GABBR2: variants seen among roughly 807,000 people sequenced by gnomAD.
The protein encoded by GABBR2 is G-protein coupled receptor 51.
In GABBR2, 23 loss-of-function variants were observed where a neutral mutation model predicts 105.6. That is an observed-to-expected ratio of 0.22 (90% CI 0.16 to 0.31). The LOEUF (loss-of-function observed/expected upper bound fraction) is 0.31, where lower values mean the gene tolerates loss of function less well. GABBR2 is among the 10% of genes least tolerant of loss of function. GABBR2 has a pLI of 1.00. For missense variants in GABBR2, 734 were observed against 1,245.5 expected (o/e 0.59, Z 6.18); for synonymous variants, 478 against 499.7 (o/e 0.96, Z 0.58).
At chr9:98,363,427 A>G (rs776270259) in intron 12 of GABBR2, among the ~76,000 whole-genome samples, 4 of 152,208 alleles carry the variant, frequency 2.6e-5, no homozygotes, top group Non-Finnish European at 5.9e-5. Context: ...TTCTTATTTT[A>G]TGGATGAGCA....
chr9:98,492,775 GGAA>G (rs1256097164), intron 4 of GABBR2, among the ~76,000 whole-genome samples: 3 of 152,142 alleles, frequency 2.0e-5, no homozygotes, highest in Non-Finnish European at 2.9e-5. Context: ...TGGGATTTGG[GGAA>G]GAAGACCACA....
chr9:98,657,473 G>T (rs1405423556), intron 1 of GABBR2, among the ~76,000 whole-genome samples: 1 of 152,124 alleles, frequency 6.6e-6, no homozygotes, highest in Admixed American at 6.5e-5. Flanking sequence ...TATCTGGCCA[G>T]CCCCTGTGGA....
chr9:98,527,957 G>A lies in GABBR2; in HGVS notation c.630+13916C>T, dbSNP rs368140151. Among the ~76,000 whole-genome samples, 29 of 152,256 alleles carry A rather than the reference G, an allele frequency of 1.9e-4. 2 individuals carry two copies. The South Asian group carries it at 5.2e-3, about 27-fold the overall frequency. ...CTCAGCAACAGTCAAAAGCTGCACC[G>A]TCCAAGACAGTAGCCATCAGCCACA... On this transcript the variant is annotated intron_variant, in intron 3 of 18. Coordinates refer to ENST00000259455, the MANE Select transcript of GABBR2 (RefSeq NM_005458.8).
intron 7 of GABBR2, among the ~76,000 whole-genome samples, chr9:98,429,174 C>T (rs1646273360): frequency 6.9e-6 from 1 of 144,368 alleles, no homozygotes; most frequent in African/African-American, 2.6e-5. Context: ...AAGTGTTGCT[C>T]CGCTGCCCAG....
intron 1 of GABBR2, among the ~76,000 whole-genome samples, chr9:98,609,841 C>A (rs751940351): frequency 6.6e-6 from 1 of 152,198 alleles, no homozygotes; most frequent in South Asian, 2.1e-4. Flanking sequence ...AGCTCCAAAC[C>A]CAGGCTCAGG....
intron 2 of GABBR2, among the ~76,000 whole-genome samples, chr9:98,544,471 G>A (rs964588809): frequency 5.9e-5 from 9 of 152,162 alleles, no homozygotes; most frequent in East Asian, 1.9e-4. Context: ...CCCCAAGACC[G>A]GTAAAGGTCA....
intron 6 of GABBR2, among the ~76,000 whole-genome samples, chr9:98,472,694 A>C (rs975171061): frequency 1.3e-5 from 2 of 152,202 alleles, no homozygotes; most frequent in African/African-American, 2.4e-5. Context: ...CACAGGTGGT[A>C]GTGGTAAAAT....
chr9:98,696,378 C>A (rs541892223), intron 1 of GABBR2, among the ~76,000 whole-genome samples: 2 of 152,318 alleles, frequency 1.3e-5, no homozygotes, highest in East Asian at 3.9e-4. Flanking sequence ...CTCCAGAGGG[C>A]TTGCAAAGCT....
At chr9:98,435,830 C>T (rs1007862318) in intron 7 of GABBR2, among the ~76,000 whole-genome samples, 4 of 152,268 alleles carry the variant, frequency 2.6e-5, no homozygotes, top group East Asian at 1.9e-4. Flanking sequence ...TTTACTGATC[C>T]CCAGTCTGTC....
intron 13 of GABBR2, among the ~76,000 whole-genome samples, chr9:98,353,846 T>C (rs1831443164): frequency 6.6e-6 from 1 of 152,140 alleles, no homozygotes; most frequent in South Asian, 2.1e-4. Flanking sequence ...GTTCTCATGA[T>C]AGTAAATTCT....
intron 1 of GABBR2, among the ~76,000 whole-genome samples, chr9:98,656,562 C>A (rs1177150891): frequency 2.0e-5 from 3 of 152,174 alleles, no homozygotes; most frequent in Non-Finnish European, 4.4e-5. Context: ...ACCAGGTTTA[C>A]GTACACTGAC....
rs532793801 is a variant in GABBR2, at chr9:98,482,981, C to T, written c.733-1984G>A. ...GGGCCACCTAGTTCATGACCCCAGC[C>T]ACAACTGTTCTCTGTGTGCTGTGGA... On this transcript the variant is annotated intron_variant, in intron 4 of 18. Coordinates refer to ENST00000259455, the MANE Select transcript of GABBR2 (RefSeq NM_005458.8). Among the ~76,000 whole-genome samples, 4 of 152,206 alleles carry T rather than the reference C, an allele frequency of 2.6e-5. No homozygotes were observed. In the South Asian group the frequency reaches 6.2e-4, roughly 24 times the overall value.
chr9:98,486,985 G>C (rs924290336), intron 4 of GABBR2, among the ~76,000 whole-genome samples: 4 of 152,104 alleles, frequency 2.6e-5, no homozygotes, highest in African/African-American at 9.7e-5. Context: ...CACTCTGTCC[G>C]TAAAGGCAGT....
chr9:98,418,360 A>T (rs1832724548), intron 7 of GABBR2, among the ~76,000 whole-genome samples: 1 of 151,844 alleles, frequency 6.6e-6, no homozygotes, highest in Non-Finnish European at 1.5e-5. Flanking sequence ...ACATAGCGAG[A>T]CCCCGTCCCT....
At chr9:98,576,579 G>A (rs1354378394) in intron 2 of GABBR2, among the ~76,000 whole-genome samples, 2 of 152,126 alleles carry the variant, frequency 1.3e-5, no homozygotes, top group Admixed American at 1.3e-4. Context: ...CTTACTAGCT[G>A]TGAGTCCTTG....
chr9:98,362,914 AG>A, intron 12 of GABBR2, 77 bp from the exon 13 acceptor site: 1 of 1,301,892 alleles, frequency 7.7e-7, no homozygotes, highest in Non-Finnish European at 1.0e-6. Flanking sequence ...CCCAGGTCAT[AG>A]GGGGAACCTG....
chr9:98,605,154 CCTT>C (rs1247423293), intron 1 of GABBR2, among the ~76,000 whole-genome samples: 2 of 152,236 alleles, frequency 1.3e-5, no homozygotes. Context: ...ATGCCCCTCT[CCTT>C]CTGTTGAGGC....
At chr9:98,607,033 T>C in intron 1 of GABBR2, 1 of 1,206,242 alleles carries the variant, frequency 8.3e-7, no homozygotes, top group Non-Finnish European at 1.2e-6. Context: ...TATGTGGGAT[T>C]TGCCAATCTC....
intron 12 of GABBR2, among the ~76,000 whole-genome samples, chr9:98,367,049 A>G (rs1831689736): frequency 6.6e-6 from 1 of 152,176 alleles, no homozygotes; most frequent in Admixed American, 6.5e-5. Context: ...AAAAATATGA[A>G]ATTTGGAAGC....
Sources: gnomAD v4.1 joint callset for allele counts (sites outside exome capture counted in the v4.1 genomes callset) on GRCh38, gnomAD v4.1.1 for gene constraint, MANE v1.5 for transcripts, NCBI Gene and HGNC (gene_info 2026-07-23, HGNC 2026-07-21) for gene names.